ANK2: variants seen among roughly 807,000 people sequenced by gnomAD.
ANK2 encodes ankyrin-2.
In ANK2, 83 loss-of-function variants were observed where a neutral mutation model predicts 360.5. That is an observed-to-expected ratio of 0.23 (90% CI 0.19 to 0.28). The LOEUF is 0.28. ANK2 is among the 10% of genes least tolerant of loss of function. The pLI, the probability that ANK2 is intolerant of heterozygous loss-of-function variation, is 1.00. For missense variants in ANK2, 4,201 were observed against 4,795.7 expected, an observed-to-expected ratio of 0.88 and a Z score of 3.66; for synonymous variants, 1,740 against 1,759.5, an observed-to-expected ratio of 0.99 and a Z score of 0.28.
chr4:113,225,868 A>G (rs1405263918), intron 4 of ANK2, among the ~76,000 whole-genome samples: 2 of 152,174 alleles, frequency 1.3e-5, no homozygotes, highest in East Asian at 3.9e-4. Flanking sequence ...TTATAGTCAT[A>G]TTACTAATGT....
intron 4 of ANK2, among the ~76,000 whole-genome samples, chr4:113,217,989 G>A (rs1249697480): frequency 6.6e-6 from 1 of 152,202 alleles, no homozygotes; most frequent in African/African-American, 2.4e-5. Flanking sequence ...TGGGCACACT[G>A]CCTGCTCTAA....
In ANK2 at chr4:113,132,855, T is replaced by C. The variant is rs571874082; in HGVS notation, c.85-41561T>C. Among the ~76,000 whole-genome samples, 4 of 152,284 alleles carry C rather than the reference T, an allele frequency of 2.6e-5. No homozygotes were observed. In the South Asian group the frequency reaches 8.3e-4, roughly 32 times the overall value. On this transcript the variant is annotated intron_variant, in intron 1 of 45. Coordinates refer to ENST00000357077, the MANE Select transcript of ANK2 (RefSeq NM_001148.6). ...GCTGATCATTTGTTCTTGGCCATCA[T>C]GATACTACCTGCTGATATTGATTAT...
intron 1 of ANK2, among the ~76,000 whole-genome samples, chr4:113,128,023 G>C (rs2095773653): frequency 6.6e-6 from 1 of 152,216 alleles, no homozygotes; most frequent in Non-Finnish European, 1.5e-5. Flanking sequence ...AATTTCATGT[G>C]CAAGTCAGAA....
chr4:113,216,657 G>T (rs62313210), intron 4 of ANK2, among the ~76,000 whole-genome samples: 16,403 of 152,104 alleles, frequency 0.11, 1,038 homozygotes, highest in East Asian at 0.18. Flanking sequence ...CAGTTTTTGG[G>T]GGTACATTTT....
At chr4:112,803,084 T>C in the ANK2 span, among the ~76,000 whole-genome samples, 1 of 152,174 alleles carries the variant, frequency 6.6e-6, no homozygotes, top group African/African-American at 2.4e-5. Flanking sequence ...TTAGGAAGAC[T>C]GTCTCGACAT....
At chr4:113,195,479 G>C (rs1194711257) in intron 2 of ANK2, among the ~76,000 whole-genome samples, 1 of 151,994 alleles carries the variant, frequency 6.6e-6, no homozygotes, top group Non-Finnish European at 1.5e-5. Flanking sequence ...GATTATTTAT[G>C]AAATAACATT....
At chr4:113,202,001 T>C (rs17445207) in intron 4 of ANK2, among the ~76,000 whole-genome samples, 4,182 of 152,338 alleles carry the variant, frequency 0.027, 91 homozygotes, top group East Asian at 0.059. Context: ...ACATTCATAT[T>C]GTGCGAAAGT....
chr4:113,313,790 G>GTGC (rs2081332911), intron 24 of ANK2: 1 of 143,176 alleles, frequency 7.0e-6, no homozygotes, highest in African/African-American at 2.8e-5. Context: ...TGCCGGGGCG[G>GTGC]GGGGTGAGGG....
chr4:113,331,737 AC>A (rs751848635), intron 27 of ANK2, among the ~76,000 whole-genome samples: 2 of 151,766 alleles, frequency 1.3e-5, no homozygotes, highest in Non-Finnish European at 2.9e-5. Context: ...CTGGCGGTGA[AC>A]CTAATTAGGG....
intron 2 of ANK2, among the ~76,000 whole-genome samples, chr4:112,932,416 C>T (rs1216073142): frequency 2.1e-5 from 3 of 146,284 alleles, no homozygotes; most frequent in Middle Eastern, 3.6e-3. Flanking sequence ...GGCATGAACC[C>T]GGGAGGTGGA....
rs748012906 is a variant in ANK2 at position 113,365,229 on chromosome 4, G to A, written c.11032+47G>A. 1.0e-5 allele frequency: 16 copies of A among 1,547,106 alleles called. No individual in the cohort carries two copies. In the African/African-American group the frequency reaches 1.8e-4, roughly 17 times the overall value. On this transcript the variant is annotated intron_variant, in intron 41 of 45. Coordinates refer to ENST00000357077, the MANE Select transcript of ANK2 (RefSeq NM_001148.6). The stretch of plus-strand genomic sequence containing the variant: ...TGTGTGTGTGTGTGTGTGTGTGTGT[G>A]TGTTGTGTCTGTGTGTGGTTAATTG...
At chr4:112,769,177 C>T in the ANK2 span, among the ~76,000 whole-genome samples, 1 of 152,042 alleles carries the variant, frequency 6.6e-6, no homozygotes, top group African/African-American at 2.4e-5. Flanking sequence ...TTTGTCATGT[C>T]CCTCCAGCAG....
At chr4:113,364,179 A>G (rs1269240864) in intron 40 of ANK2, among the ~76,000 whole-genome samples, 2 of 152,168 alleles carry the variant, frequency 1.3e-5, no homozygotes, top group East Asian at 3.8e-4. Flanking sequence ...TGGTTCCTCA[A>G]AAATTGAATA....
At chr4:113,065,362 T>C (rs1195118381) in intron 1 of ANK2, among the ~76,000 whole-genome samples, 4 of 152,336 alleles carry the variant, frequency 2.6e-5, no homozygotes, top group African/African-American at 9.6e-5. Context: ...AATCAGTATA[T>C]ATGTGAGTGC....
At chr4:112,840,861 A>C (rs1352740387) in intron 1 of ANK2, among the ~76,000 whole-genome samples, 1 of 152,246 alleles carries the variant, frequency 6.6e-6, no homozygotes, top group African/African-American at 2.4e-5. Context: ...GTGATGCAGA[A>C]TGTAAGCTCA....
chr4:113,307,911 AG>A (rs2078041956), intron 23 of ANK2, among the ~76,000 whole-genome samples: 1 of 152,242 alleles, frequency 6.6e-6, no homozygotes, highest in Non-Finnish European at 1.5e-5. Context: ...TAAAACAACA[AG>A]AAAAAGCCAA....
chr4:112,790,419 AG>A, the ANK2 span, among the ~76,000 whole-genome samples: 1 of 151,778 alleles, frequency 6.6e-6, no homozygotes, highest in Non-Finnish European at 1.5e-5. Flanking sequence ...CCGGATTTCT[AG>A]CAGAGTGAGG....
At chr4:112,832,066 G>A (rs2059896892) in intron 1 of ANK2, among the ~76,000 whole-genome samples, 1 of 152,130 alleles carries the variant, frequency 6.6e-6, no homozygotes, top group African/African-American at 2.4e-5. Context: ...CACCAATTCC[G>A]GACACAAGAT....
chr4:112,894,423 A>G (rs1233580977), intron 1 of ANK2, among the ~76,000 whole-genome samples: 1 of 152,186 alleles, frequency 6.6e-6, no homozygotes, highest in Non-Finnish European at 1.5e-5. Context: ...ACATACATAT[A>G]TATTATTTTT....
Sources: allele counts gnomAD v4.1 joint callset (sites outside exome capture counted in the v4.1 genomes callset), GRCh38; gene constraint gnomAD v4.1.1; transcripts MANE v1.5; gene names NCBI Gene and HGNC (gene_info 2026-07-23, HGNC 2026-07-21).